Variants in SULT6B1 observed in about 807,000 individuals in gnomAD.
The protein encoded by SULT6B1 is sulfotransferase family 6B member 1.
A neutral mutation model predicts 37.2 loss-of-function variants in SULT6B1; 44 were observed. The ratio of observed to expected loss-of-function variants is 1.18; its 90% CI spans 0.93 to 1.52. The LOEUF (loss-of-function observed/expected upper bound fraction) is 1.52. Ranked by LOEUF, SULT6B1 falls within the 40% of genes most tolerant of loss-of-function variation. The pLI, the probability that SULT6B1 is intolerant of heterozygous loss-of-function variation, is 0.00. For missense variants in SULT6B1, 450 were observed against 361.0 expected, an observed-to-expected ratio of 1.25 and a Z score of -2.00; for synonymous variants, 140 against 126.0, an observed-to-expected ratio of 1.11 and a Z score of -0.74.
intron 2 of SULT6B1, among the ~76,000 whole-genome samples, chr2:37,186,810 C>T (rs558443404): frequency 1.1e-4 from 16 of 152,188 alleles, no homozygotes; most frequent in African/African-American, 1.7e-4. Flanking sequence ...GCAGGAGGAT[C>T]GCTTGAGCCC....
chr2:37,175,196 A>G lies in SULT6B1; in HGVS notation c.560T>C (p.Ile187Thr), dbSNP rs748989580. The G allele has an allele frequency of 6.3e-6, 10 of 1,591,608 alleles. No individual in the cohort carries two copies. In the South Asian group the frequency reaches 8.0e-5, roughly 13 times the overall value. The change falls in exon 5 of 7, where the codon ATC (isoleucine) becomes ACC (threonine). Residue 187 changes from isoleucine (I) to threonine (T), a missense_variant. Coordinates refer to ENST00000535679, the MANE Select transcript of SULT6B1 (RefSeq NM_001367551.1). ...VSWGRYFDFA[I>T]NWNKHLDGDN... ...GCCATCAAGATGTTTGTTCCAATTGATTGCAAAATCAAAATACCTTCCCCA... is the reference window on the plus strand; with the variant it reads ...GCCATCAAGATGTTTGTTCCAATTGGTTGCAAAATCAAAATACCTTCCCCA...
intron 5 of SULT6B1, among the ~76,000 whole-genome samples, chr2:37,174,855 A>G (rs918932663): frequency 5.9e-5 from 9 of 151,478 alleles, no homozygotes; most frequent in African/African-American, 2.2e-4. Context: ...AGACCTACCT[A>G]TTTTTTTTTA....
At chr2:37,173,421 G>T (rs908367873) in intron 5 of SULT6B1, among the ~76,000 whole-genome samples, 1 of 152,048 alleles carries the variant, frequency 6.6e-6, no homozygotes, top group Non-Finnish European at 1.5e-5. Flanking sequence ...TTAAAGCACG[G>T]CTATGTGTCA....
In SULT6B1 at chr2:37,194,556, C is replaced by CA. The variant is rs1018346377; in HGVS notation, c.-22+1959dup. On this transcript the variant is annotated intron_variant, in intron 1 of 7. Coordinates refer to the SULT6B1 transcript ENST00000407963. ...TTATTGAGCCTGGTATCAATGCACACATCTGGAGTTCCCATCTCCTTCATT... is the reference window on the plus strand; with the variant it reads ...TTATTGAGCCTGGTATCAATGCACACAATCTGGAGTTCCCATCTCCTTCATT... 14 of 386,230 alleles carry CA rather than the reference C, an allele frequency of 3.6e-5. No homozygotes were observed. The Admixed American group carries it at 4.1e-4, about 11-fold the overall frequency. The allele number at this position is 386,230 out of a possible 1,614,324, so 23.9% of individuals were successfully genotyped here. A position where few individuals can be genotyped will look rare whatever the true frequency, so the allele number is the denominator to read the frequency against.
rs1235393061 is a variant in SULT6B1, at chr2:37,187,410, T to C, written c.257A>G (p.Lys86Arg). The C allele has an allele frequency of 2.5e-6, 4 of 1,587,928 alleles. No individual in the cohort carries two copies. The African/African-American group carries it at 5.4e-5, about 21-fold the overall frequency. Residue 86 changes from lysine (K) to arginine (R), a missense_variant, in exon 2 of 7, where the codon AAG (lysine) becomes AGG (arginine). Physicochemically the swap from Lys to Arg is conservative, Grantham distance 26. Transcript: ENST00000535679. ...SELIYAVSKK[K>R]YKYPEFPVLE... ...AACTGGGAATTCTGGATATTTATAC[T>C]TTTTTTTAGAAACAGCATATATTAA...
At chr2:37,187,584 ATT>A (rs1339930594) in intron 1 of SULT6B1, 117 bp from the exon 2 acceptor site, 1 of 525,586 alleles carries the variant, frequency 1.9e-6, no homozygotes, top group Non-Finnish European at 3.3e-6. Context: ...TGATGTGTAT[ATT>A]TAGTTCTTCT....
intron 6 of SULT6B1, among the ~76,000 whole-genome samples, chr2:37,168,769 C>T (rs1255307201): frequency 6.6e-6 from 1 of 152,048 alleles, no homozygotes; most frequent in Non-Finnish European, 1.5e-5. Flanking sequence ...ATTATTTTGC[C>T]TGAGTTTGGG....
chr2:37,188,149 TC>T (rs1279824113), intron 1 of SULT6B1, among the ~76,000 whole-genome samples: 1 of 152,162 alleles, frequency 6.6e-6, no homozygotes, highest in East Asian at 1.9e-4. Flanking sequence ...AACTGGACTT[TC>T]CCACATTCAT....
chr2:37,172,544 G>A (rs1676327672), intron 5 of SULT6B1, among the ~76,000 whole-genome samples: 1 of 151,584 alleles, frequency 6.6e-6, no homozygotes. Flanking sequence ...TTTCTCTCTT[G>A]TTGTCCAGGG....
upstream of SULT6B1, chr2:37,191,190 A>T (rs1676772402): frequency 6.9e-6 from 1 of 144,082 alleles, no homozygotes; most frequent in Non-Finnish European, 1.5e-5. Context: ...TTTAATTGTT[A>T]GTACCAGTGA....
chr2:37,189,069 G>GTA (rs1266316609), upstream of SULT6B1, among the ~76,000 whole-genome samples: 1 of 152,140 alleles, frequency 6.6e-6, no homozygotes, highest in African/African-American at 2.4e-5. Flanking sequence ...GAAGCAATGG[G>GTA]ATTGTGAGGT....
chr2:37,170,321 T>C (rs906560685), intron 6 of SULT6B1, among the ~76,000 whole-genome samples: 3 of 151,678 alleles, frequency 2.0e-5, no homozygotes, highest in East Asian at 1.9e-4. Context: ...ACAATAATTA[T>C]CTGGGTGTGG....
Position 37,195,269 on chromosome 2 carries a change from G to C in SULT6B1, c.-22+1247C>G, listed in dbSNP as rs535934082. 5.3e-5 allele frequency among the ~76,000 whole-genome samples: 8 copies of C among 152,170 alleles called. No individual in the cohort carries two copies. In the South Asian group the frequency reaches 8.3e-4, roughly 16 times the overall value. ...CAAGCCCCAATAGCTTTTTCATCTT[G>C]CTTTGTCATCCTGGTACTTTTAACA... On this transcript the variant is annotated intron_variant, in intron 1 of 7. Transcript: ENST00000407963.
At chr2:37,172,722 G>A (rs982488030) in intron 5 of SULT6B1, among the ~76,000 whole-genome samples, 1 of 152,036 alleles carries the variant, frequency 6.6e-6, no homozygotes, top group African/African-American at 2.4e-5. Context: ...TGGCCAGGCT[G>A]GTCTCGAACT....
upstream of SULT6B1, chr2:37,191,257 C>CAAAAA (rs33927399): frequency 2.2e-5 from 2 of 89,998 alleles, no homozygotes; most frequent in Non-Finnish European, 4.5e-5. Context: ...TTTTTCACTG[C>CAAAAA]AAAAAAAAAA....
chr2:37,176,115 T>G (rs1295709044), intron 4 of SULT6B1, among the ~76,000 whole-genome samples: 1 of 152,166 alleles, frequency 6.6e-6, no homozygotes, highest in African/African-American at 2.4e-5. Context: ...GCTGTGCTGG[T>G]TACTAGCTCT....
At chr2:37,172,170 C>G (rs910885592) in intron 5 of SULT6B1, among the ~76,000 whole-genome samples, 1 of 152,064 alleles carries the variant, frequency 6.6e-6, no homozygotes, top group African/African-American at 2.4e-5. Flanking sequence ...CACACCTCAG[C>G]CTTCTGAATA....
At chr2:37,191,556 G>T (rs2148302998), upstream of SULT6B1, among the ~76,000 whole-genome samples, 1 of 152,296 alleles carries the variant, frequency 6.6e-6, no homozygotes, top group Non-Finnish European at 1.5e-5. Flanking sequence ...CCCACATTTG[G>T]CAGATCGCAA....
chr2:37,193,645 G>C (rs1572470301), upstream of SULT6B1, among the ~76,000 whole-genome samples: 1 of 150,902 alleles, frequency 6.6e-6, no homozygotes, highest in African/African-American at 2.4e-5. Flanking sequence ...AGAAGAAGAA[G>C]AAGAAGGAGA....
Sources: gnomAD v4.1 joint callset for allele counts (sites outside exome capture counted in the v4.1 genomes callset) on GRCh38, gnomAD v4.1.1 for gene constraint, MANE v1.5 for transcripts, NCBI Gene and HGNC (gene_info 2026-07-23, HGNC 2026-07-21) for gene names.